The following AKAP13 variants were observed in gnomAD, a reference collection of about 807,000 sequenced individuals.
AKAP13 encodes A-kinase anchor protein 13.
A neutral mutation model predicts 264.5 loss-of-function variants in AKAP13; 80 were observed. The observed-to-expected ratio is 0.30, with a 90% confidence interval of 0.25 to 0.36. AKAP13 has a LOEUF of 0.36. Ranked by LOEUF, AKAP13 falls within the 10% of genes least tolerant of loss-of-function variation. The pLI is 1.00. For synonymous variants in AKAP13, 1,380 were observed against 1,250.2 expected, an observed-to-expected ratio of 1.10 and a Z score of -2.19; for missense variants, 3,712 against 3,435.2, an observed-to-expected ratio of 1.08 and a Z score of -2.01.
intron 11 of AKAP13, among the ~76,000 whole-genome samples, chr15:85,656,539 C>T (rs868832171): frequency 4.9e-4 from 74 of 152,252 alleles, no homozygotes; most frequent in African/African-American, 4.3e-4. Flanking sequence ...CTCTGCCTCC[C>T]GGGTTCACTC....
chr15:85,722,374 G>T (rs1248949050), intron 25 of AKAP13, 27 bp downstream of exon 25: 26 of 1,577,238 alleles, frequency 1.6e-5, no homozygotes, highest in Non-Finnish European at 2.1e-5. Flanking sequence ...ACTCGGTCTT[G>T]TATGGTCATG....
intron 8 of AKAP13, among the ~76,000 whole-genome samples, chr15:85,625,786 C>T (rs1193923939): frequency 6.6e-6 from 1 of 152,202 alleles, no homozygotes; most frequent in African/African-American, 2.4e-5. Flanking sequence ...GACAGTGTTT[C>T]AAATGGAGCC....
intron 9 of AKAP13, among the ~76,000 whole-genome samples, chr15:85,643,820 T>C (rs1252450571): frequency 6.6e-6 from 1 of 152,210 alleles, no homozygotes; most frequent in African/African-American, 2.4e-5. Flanking sequence ...GCAAGCTGTA[T>C]GTATCTCAGA....
chr15:85,494,123 A>G (rs2075808161), intron 2 of AKAP13, among the ~76,000 whole-genome samples: 1 of 152,162 alleles, frequency 6.6e-6, no homozygotes, highest in Non-Finnish European at 1.5e-5. Context: ...TATATGCCCA[A>G]TTCCTCTGGA....
At chr15:85,582,470 A>G (rs868868676) in intron 7 of AKAP13, among the ~76,000 whole-genome samples, 14 of 152,132 alleles carry the variant, frequency 9.2e-5, no homozygotes, top group Admixed American at 2.0e-4. Context: ...TTTCTCTAGT[A>G]CCATAGAAAA....
chr15:85,612,142 T>C (rs904262134), intron 8 of AKAP13, among the ~76,000 whole-genome samples: 1 of 152,226 alleles, frequency 6.6e-6, no homozygotes, highest in Admixed American at 6.5e-5. Context: ...GTCACAGATT[T>C]TCCATGTGAA....
chr15:85,741,200 A>G lies in AKAP13; in HGVS notation c.7763A>G (p.Gln2588Arg). The G allele has an allele frequency of 6.2e-7, 1 of 1,610,884 alleles. No individual in the cohort carries two copies. The highest frequency in any genetic ancestry group is 2.2e-5 in the East Asian group (1 of 44,768). The change falls in exon 35 of 37, where the codon CAG becomes CGG. Residue 2588 changes from glutamine (Q) to arginine (R), a missense_variant. Around this residue, in one of 3 missense-constraint regions of AKAP13, gnomAD observed 611 missense variants for 539.3 expected, o/e 1.13. Transcript: ENST00000394518. Reference sequence around the variant, plus strand: ...CAGCGCCAGGACCTGGCCAACCTGCAGAAGCAGCAGGCCCAGTACCTCGAG... The same window carrying G: ...CAGCGCCAGGACCTGGCCAACCTGCGGAAGCAGCAGGCCCAGTACCTCGAG... ...EKQRQDLANLQKQQAQYLEEK... is the reference protein window; with the variant it reads ...EKQRQDLANLRKQQAQYLEEK...
At chr15:85,425,275 T>C (rs2150909623) in intron 1 of AKAP13, among the ~76,000 whole-genome samples, 1 of 152,346 alleles carries the variant, frequency 6.6e-6, no homozygotes, top group Non-Finnish European at 1.5e-5. Flanking sequence ...TTTATTTTTA[T>C]TGAGATTACC....
intron 14 of AKAP13, among the ~76,000 whole-genome samples, chr15:85,675,733 C>G (rs1250504566): frequency 6.6e-6 from 1 of 152,028 alleles, no homozygotes; most frequent in Non-Finnish European, 1.5e-5. Context: ...AAAGTTTGGA[C>G]CAGAAGGAAA....
chr15:85,538,399 A>G (rs1393271200), intron 4 of AKAP13, among the ~76,000 whole-genome samples: 1 of 152,026 alleles, frequency 6.6e-6, no homozygotes, highest in African/African-American at 2.4e-5. Flanking sequence ...TCCCAATTCT[A>G]TACATCTGAT....
intron 8 of AKAP13, among the ~76,000 whole-genome samples, chr15:85,630,149 C>T (rs1182019733): frequency 1.3e-5 from 2 of 148,236 alleles, no homozygotes; most frequent in East Asian, 2.0e-4. Context: ...CTTCTCTATT[C>T]TCTGTTTTTT....
chr15:85,399,775 T>C (rs1016974928), intron 1 of AKAP13, among the ~76,000 whole-genome samples: 1 of 152,006 alleles, frequency 6.6e-6, no homozygotes, highest in Non-Finnish European at 1.5e-5. Context: ...TTCCTTTGGC[T>C]TGTTCTTAGT....
At chr15:85,433,871 T>C (rs2073136380) in intron 1 of AKAP13, among the ~76,000 whole-genome samples, 1 of 150,712 alleles carries the variant, frequency 6.6e-6, no homozygotes, top group Non-Finnish European at 1.5e-5. Flanking sequence ...AACCCGGGAG[T>C]TGGAGGTTGC....
intron 1 of AKAP13, among the ~76,000 whole-genome samples, chr15:85,385,613 G>A (rs929554792): frequency 3.3e-5 from 5 of 152,104 alleles, no homozygotes; most frequent in Admixed American, 1.3e-4. Context: ...CAAGAATGTT[G>A]TAAAAATGGA....
intron 5 of AKAP13, among the ~76,000 whole-genome samples, chr15:85,572,785 C>T (rs988944611): frequency 4.6e-5 from 7 of 152,158 alleles, no homozygotes; most frequent in African/African-American, 1.2e-4. Context: ...CCATCATCTA[C>T]GTTAGGTATT....
intron 34 of AKAP13, among the ~76,000 whole-genome samples, chr15:85,740,723 A>AACAC (rs144018637): frequency 3.6e-5 from 5 of 138,300 alleles, no homozygotes; most frequent in Non-Finnish European, 6.2e-5. Context: ...TCCCACTTCC[A>AACAC]ACACACACAC....
intron 5 of AKAP13, among the ~76,000 whole-genome samples, chr15:85,561,782 C>A (rs2078386933): frequency 6.6e-6 from 1 of 151,994 alleles, no homozygotes; most frequent in South Asian, 2.1e-4. Context: ...GTGAAGTAGC[C>A]CCTCAGGATG....
chr15:85,399,106 G>A (rs1325756999), intron 1 of AKAP13, among the ~76,000 whole-genome samples: 1 of 152,316 alleles, frequency 6.6e-6, no homozygotes, highest in Middle Eastern at 3.4e-3. Flanking sequence ...TTGTCAAGTT[G>A]TCTACAGAAA....
intron 1 of AKAP13, among the ~76,000 whole-genome samples, chr15:85,474,538 A>G (rs959558205): frequency 2.0e-5 from 3 of 152,250 alleles, no homozygotes; most frequent in African/African-American, 7.2e-5. Flanking sequence ...ATGATTAGAA[A>G]TTCCCCATTA....
Sources: gnomAD v4.1 joint callset for allele counts (sites outside exome capture counted in the v4.1 genomes callset) on GRCh38, gnomAD v4.1.1 for gene constraint, gnomAD v4.1.1 regional missense constraint, MANE v1.5 for transcripts, NCBI Gene and HGNC (gene_info 2026-07-23, HGNC 2026-07-21) for gene names.